Variants in TBC1D22A observed in about 807,000 individuals in gnomAD.
The protein encoded by TBC1D22A is putative GTPase activator.
TBC1D22A carries 38 observed loss-of-function variants against 60.2 expected under a neutral mutation model. That is an observed-to-expected ratio of 0.63 (90% CI 0.49 to 0.83). TBC1D22A has a LOEUF of 0.83. Among genes scored for constraint, TBC1D22A ranks in the 40% least tolerant of loss-of-function variants. The probability of loss-of-function intolerance (pLI) is 0.00; values close to 1 mark genes in which losing one functional copy is unlikely to be tolerated. For synonymous variants in TBC1D22A, 302 were observed against 281.7 expected, an observed-to-expected ratio of 1.07 and a Z score of -0.72; for missense variants, 628 against 701.0, an observed-to-expected ratio of 0.90 and a Z score of 1.18.
At chr22:47,108,615 G>T (rs1308408709) in intron 11 of TBC1D22A, among the ~76,000 whole-genome samples, 1 of 152,204 alleles carries the variant, frequency 6.6e-6, no homozygotes, top group South Asian at 2.1e-4. Flanking sequence ...CCACTACCTC[G>T]GTTGTGATGG....
At chr22:46,786,478 T>A (rs1375585555) in intron 1 of TBC1D22A, among the ~76,000 whole-genome samples, 4 of 152,224 alleles carry the variant, frequency 2.6e-5, no homozygotes, top group Non-Finnish European at 5.9e-5. Flanking sequence ...TCTTTCTTTG[T>A]GATATCTTTG....
chr22:46,783,444 T>C (rs528103519), intron 1 of TBC1D22A, among the ~76,000 whole-genome samples: 1 of 152,282 alleles, frequency 6.6e-6, no homozygotes, highest in African/African-American at 2.4e-5. Flanking sequence ...GCTGATGTAA[T>C]ACAGAACACA....
At chr22:47,061,047 C>G (rs1200322227) in intron 11 of TBC1D22A, among the ~76,000 whole-genome samples, 3 of 152,232 alleles carry the variant, frequency 2.0e-5, no homozygotes, top group East Asian at 3.9e-4. Flanking sequence ...TTGAGCCACG[C>G]TGTCTTCCTC....
At chr22:46,981,431 G>A (rs1358654175) in intron 9 of TBC1D22A, among the ~76,000 whole-genome samples, 3 of 152,168 alleles carry the variant, frequency 2.0e-5, no homozygotes, top group East Asian at 3.9e-4. Context: ...TAGGTGATAC[G>A]GTTAGGCTTT....
chr22:47,171,359 C>T lies in TBC1D22A; in HGVS notation c.1426-2139C>T, dbSNP rs574023386. Among the ~76,000 whole-genome samples the T allele has an allele frequency of 1.0e-3, 152 of 152,306 alleles. 1 individual carries two copies. The highest frequency in any genetic ancestry group is 2.9e-3 in the African/African-American group (122 of 41,564). ...TCCAGCACCCTGAGGGCTCCTCAGC[C>T]GCCTTCCTGACTTCCTGGATCCAGC... On this transcript the variant is annotated intron_variant, in intron 12 of 12. Coordinates refer to ENST00000337137, the MANE Select transcript of TBC1D22A (RefSeq NM_014346.5).
At chr22:46,979,590 G>C (rs779990159) in intron 9 of TBC1D22A, among the ~76,000 whole-genome samples, 1 of 152,212 alleles carries the variant, frequency 6.6e-6, no homozygotes. Context: ...CCTGAGCGCA[G>C]TGTTAATAGT....
At chr22:47,152,981 A>G (rs2067567425) in intron 12 of TBC1D22A, among the ~76,000 whole-genome samples, 1 of 152,194 alleles carries the variant, frequency 6.6e-6, no homozygotes, top group Non-Finnish European at 1.5e-5. Context: ...ATCACAGCCG[A>G]TTTCATTCTG....
At chr22:46,899,483 G>GA (rs1444861473) in intron 7 of TBC1D22A, among the ~76,000 whole-genome samples, 2 of 151,958 alleles carry the variant, frequency 1.3e-5, no homozygotes, top group Non-Finnish European at 2.9e-5. Flanking sequence ...TTGGCCAGTA[G>GA]AAAAAATTGA....
intron 4 of TBC1D22A, among the ~76,000 whole-genome samples, chr22:46,865,526 C>T (rs781465160): frequency 1.1e-4 from 16 of 152,216 alleles, no homozygotes; most frequent in Admixed American, 2.0e-4. Context: ...GAAAATTCTA[C>T]ACCTGATCTT....
intron 10 of TBC1D22A, among the ~76,000 whole-genome samples, chr22:47,017,827 G>T (rs530442366): frequency 1.3e-5 from 2 of 152,188 alleles, no homozygotes; most frequent in Non-Finnish European, 2.9e-5. Context: ...TTTATCCTTT[G>T]ATAAAGGAAT....
At chr22:46,822,610 T>C (rs752076276) in intron 4 of TBC1D22A, among the ~76,000 whole-genome samples, 1 of 152,146 alleles carries the variant, frequency 6.6e-6, no homozygotes, top group Non-Finnish European at 1.5e-5. Flanking sequence ...CAAAGATGGG[T>C]GCCTCCTGCT....
At chr22:46,869,769 G>A (rs746897208) in intron 4 of TBC1D22A, among the ~76,000 whole-genome samples, 1 of 152,124 alleles carries the variant, frequency 6.6e-6, no homozygotes, top group Non-Finnish European at 1.5e-5. Flanking sequence ...TATTACAAAA[G>A]GTTTTAAAAA....
At chr22:46,921,053 G>A (rs2070729370) in intron 8 of TBC1D22A, among the ~76,000 whole-genome samples, 2 of 152,178 alleles carry the variant, frequency 1.3e-5, no homozygotes, top group Admixed American at 1.3e-4. Context: ...TTACAGGCAT[G>A]AGCCACTGTG....
intron 12 of TBC1D22A, among the ~76,000 whole-genome samples, chr22:47,139,327 C>T (rs1601640110): frequency 6.6e-6 from 1 of 152,222 alleles, no homozygotes; most frequent in Non-Finnish European, 1.5e-5. Context: ...ACCGCTGACA[C>T]AAGCCACAGG....
chr22:46,930,877 T>C (rs1219841784), intron 8 of TBC1D22A, among the ~76,000 whole-genome samples: 1 of 152,216 alleles, frequency 6.6e-6, no homozygotes, highest in Non-Finnish European at 1.5e-5. Context: ...CCTGCCTTTC[T>C]ACCTTACACA....
intron 4 of TBC1D22A, among the ~76,000 whole-genome samples, chr22:46,817,053 A>G (rs111543743): frequency 5.3e-4 from 81 of 152,354 alleles, no homozygotes; most frequent in African/African-American, 1.9e-3. Flanking sequence ...TTCTAAACTC[A>G]TCAAGTTGTA....
At chr22:46,815,925 C>T (rs765307564) in intron 4 of TBC1D22A, among the ~76,000 whole-genome samples, 9 of 152,052 alleles carry the variant, frequency 5.9e-5, no homozygotes, top group South Asian at 2.1e-4. Context: ...GGCTGGAGCC[C>T]GTGGGGTATA....
At chr22:47,072,758 G>T (rs554803038) in intron 11 of TBC1D22A, among the ~76,000 whole-genome samples, 1 of 152,242 alleles carries the variant, frequency 6.6e-6, no homozygotes, top group Non-Finnish European at 1.5e-5. Context: ...GTGAATACCC[G>T]CCAGGCCTGT....
At chr22:46,806,631 CTG>C (rs562727110) in intron 4 of TBC1D22A, among the ~76,000 whole-genome samples, 3 of 151,692 alleles carry the variant, frequency 2.0e-5, no homozygotes, top group Non-Finnish European at 2.9e-5. Flanking sequence ...ACATGTAAGA[CTG>C]AGCTGAAAAG....
Sources: gnomAD v4.1 joint callset for allele counts (sites outside exome capture counted in the v4.1 genomes callset) on GRCh38, gnomAD v4.1.1 for gene constraint, MANE v1.5 for transcripts, NCBI Gene and HGNC (gene_info 2026-07-23, HGNC 2026-07-21) for gene names.